The following WSCD2 variants were observed in gnomAD, a reference collection of about 807,000 sequenced individuals.
WSCD2 encodes sialate:O-sulfotransferase 2.
Under a neutral mutation model 55.7 loss-of-function variants are expected in WSCD2, and 28 were observed. The observed-to-expected ratio is 0.50, with a 90% CI of 0.37 to 0.69. The LOEUF (loss-of-function observed/expected upper bound fraction) is 0.69, where lower values mean the gene tolerates loss of function less well. Ranked by LOEUF, WSCD2 falls within the 30% of genes least tolerant of loss-of-function variation. The pLI is 0.00. For missense variants in WSCD2, 616 were observed against 762.1 expected (o/e 0.81, Z 2.26); for synonymous variants, 301 against 301.9 (o/e 1.00, Z 0.03).
chr12:108,203,091 C>T (rs897649561), intron 2 of WSCD2, among the ~76,000 whole-genome samples: 3 of 152,126 alleles, frequency 2.0e-5, no homozygotes, highest in African/African-American at 7.2e-5. Context: ...GGTCTGAGAC[C>T]CTCACTGTGG....
chr12:108,140,036 A>T (rs184000143), intron 1 of WSCD2, among the ~76,000 whole-genome samples: 2 of 152,282 alleles, frequency 1.3e-5, no homozygotes, highest in Non-Finnish European at 2.9e-5. Flanking sequence ...TGCTGTGAAG[A>T]TGACGTGACC....
At chr12:108,220,238 A>G (rs1234059045) in intron 4 of WSCD2, among the ~76,000 whole-genome samples, 1 of 152,204 alleles carries the variant, frequency 6.6e-6, no homozygotes. Flanking sequence ...AGAGAATGAG[A>G]TCTTCCTGCT....
Position 108,206,408 on chromosome 12 carries a change from G to T in WSCD2, c.497+5G>T, listed in dbSNP as rs1345810836. The T allele has an allele frequency of 6.2e-7, 1 of 1,613,738 alleles. No homozygotes were observed. Among genetic ancestry groups the T allele is most frequent in the Non-Finnish European group, 8.5e-7 (1 of 1,179,696 alleles). On this transcript the variant is annotated splice_donor_5th_base_variant and intron_variant, in intron 3 of 8. Coordinates refer to ENST00000547525, the MANE Select transcript of WSCD2 (RefSeq NM_014653.4). ...CCAGGACAACTGTGCTGAACGGTAG[G>T]GTCCCAGCATCCCAGACTTGTCCAT...
intron 2 of WSCD2, 72 bp downstream of exon 2, chr12:108,196,286 C>T: frequency 1.3e-6 from 2 of 1,482,084 alleles, no homozygotes; most frequent in Non-Finnish European, 1.8e-6. Flanking sequence ...GTAATAACAG[C>T]TGTCAGTTTT....
intron 1 of WSCD2, among the ~76,000 whole-genome samples, chr12:108,166,245 T>A (rs1037722731): frequency 4.6e-5 from 7 of 152,214 alleles, no homozygotes; most frequent in Non-Finnish European, 1.0e-4. Context: ...GGGATGATCA[T>A]AGCACCTGCC....
chr12:108,231,153 G>A (rs967998803), intron 6 of WSCD2, among the ~76,000 whole-genome samples: 1 of 152,114 alleles, frequency 6.6e-6, no homozygotes, highest in Non-Finnish European at 1.5e-5. Context: ...AGAGATGGAG[G>A]TGAGGGGCCA....
At chr12:108,216,383 T>G (rs969872568) in intron 4 of WSCD2, among the ~76,000 whole-genome samples, 1 of 152,182 alleles carries the variant, frequency 6.6e-6, no homozygotes, top group Non-Finnish European at 1.5e-5. Flanking sequence ...TGCTATTATA[T>G]AGAAAGGTTT....
intron 6 of WSCD2, among the ~76,000 whole-genome samples, chr12:108,232,406 G>T (rs547410653): frequency 3.3e-5 from 5 of 152,070 alleles, no homozygotes; most frequent in Non-Finnish European, 5.9e-5. Flanking sequence ...TTGCTCTGCT[G>T]GGGGGAAACT....
intron 4 of WSCD2, among the ~76,000 whole-genome samples, chr12:108,221,173 T>A (rs897173913): frequency 6.6e-6 from 1 of 152,112 alleles, no homozygotes; most frequent in Admixed American, 6.5e-5. Flanking sequence ...TGAGTTAGCA[T>A]CCGGCTGACT....
At chr12:108,180,055 AAAAAAAAAAAAAG>A (rs1881495580) in intron 1 of WSCD2, among the ~76,000 whole-genome samples, 2 of 151,260 alleles carry the variant, frequency 1.3e-5, no homozygotes, top group Non-Finnish European at 2.9e-5. Context: ...AAAAACAAAA[AAAAAAAAAAAAAG>A]AAAAAGAAAA....
intron 1 of WSCD2, among the ~76,000 whole-genome samples, chr12:108,134,786 T>A (rs1251101223): frequency 6.6e-6 from 1 of 152,174 alleles, no homozygotes; most frequent in Non-Finnish European, 1.5e-5. Flanking sequence ...ATAAGTACCA[T>A]ATACAAAGTG....
intron 8 of WSCD2, among the ~76,000 whole-genome samples, chr12:108,242,308 T>A (rs1421573238): frequency 6.6e-6 from 1 of 152,240 alleles, no homozygotes; most frequent in Non-Finnish European, 1.5e-5. Flanking sequence ...GAAGCTTGGA[T>A]AGGTGGTGAC....
intron 4 of WSCD2, among the ~76,000 whole-genome samples, chr12:108,217,753 C>T (rs1244287398): frequency 2.6e-5 from 4 of 152,200 alleles, no homozygotes; most frequent in African/African-American, 4.8e-5. Context: ...ACCCCCAGAA[C>T]ACATCTTGCC....
At chr12:108,166,778 T>TTTCTTTCTTTCC in intron 1 of WSCD2, among the ~76,000 whole-genome samples, 1 of 149,018 alleles carries the variant, frequency 6.7e-6, no homozygotes, top group African/African-American at 2.5e-5. Context: ...TCTTTCTTTC[T>TTTCTTTCTTTCC]TTCTTTCTTT....
chr12:108,244,298 A>G (rs1889946204), intron 8 of WSCD2, among the ~76,000 whole-genome samples: 1 of 152,140 alleles, frequency 6.6e-6, no homozygotes, highest in Non-Finnish European at 1.5e-5. Context: ...CTTCTTTCCA[A>G]TGAAGTAATT....
At chr12:108,247,380 A>C (rs1182531329) in intron 8 of WSCD2, among the ~76,000 whole-genome samples, 1 of 151,784 alleles carries the variant, frequency 6.6e-6, no homozygotes, top group Non-Finnish European at 1.5e-5. Flanking sequence ...ATTATATTAC[A>C]GTAACACATA....
At position 108,146,808 on chromosome 12, in the gene WSCD2, A is replaced by ATG. The variant is rs545296022; in HGVS notation, c.-552+16882_-552+16883insTG. The stretch of plus-strand genomic sequence containing the variant: ...CCTGGGCCCTGGCTAGAGAGCAGAG[A>ATG]CGCTGTGATTTTTATAGGTCCTTCA... On this transcript the variant is annotated intron_variant, in intron 1 of 8. Coordinates refer to ENST00000547525, the MANE Select transcript of WSCD2 (RefSeq NM_014653.4). Among the ~76,000 whole-genome samples the ATG allele has an allele frequency of 3.2e-4, 49 of 152,290 alleles. No homozygotes were observed. In the South Asian group the frequency reaches 9.9e-3, roughly 31 times the overall value.
chr12:108,210,398 C>A lies in WSCD2; in HGVS notation c.682+93C>A. On this transcript the variant is annotated intron_variant, in intron 4 of 8. Coordinates refer to ENST00000547525, the MANE Select transcript of WSCD2 (RefSeq NM_014653.4). This position sits in a 1 kb window ranked among gnomAD's most constrained non-coding sequence, Gnocchi z 4.3. ...TCCCACATGTCTGCCCTGTACCCTC[C>A]ATGGCTCCCCATCACTCCAAGGCCA... is the stretch of plus-strand genomic sequence containing the variant. 6.9e-7 allele frequency: 1 copy of A among 1,445,960 alleles called. No individual in the cohort carries two copies. The highest frequency in any genetic ancestry group is 9.2e-7 in the Non-Finnish European group (1 of 1,088,582). The allele number at this position is 1,445,960 out of a possible 1,614,324, so 89.6% of individuals were successfully genotyped here. A position where few individuals can be genotyped will look rare whatever the true frequency, so the allele number is the denominator to read the frequency against.
chr12:108,175,194 GCAGGAATGCTAAA>G (rs1287441410), intron 1 of WSCD2, among the ~76,000 whole-genome samples: 1 of 152,198 alleles, frequency 6.6e-6, no homozygotes, highest in Admixed American at 6.5e-5. Flanking sequence ...CACACAGGGG[GCAGGAATGCTAAA>G]CATCCTGCAA....
Sources: gnomAD v4.1 joint callset for allele counts (sites outside exome capture counted in the v4.1 genomes callset) on GRCh38, gnomAD v4.1.1 for gene constraint, Gnocchi (gnomAD v3.1) non-coding constraint, MANE v1.5 for transcripts, NCBI Gene and HGNC (gene_info 2026-07-23, HGNC 2026-07-21) for gene names.